ITGAM: variants seen among roughly 807,000 people sequenced by gnomAD.
ITGAM encodes the protein integrin alpha-M.
In ITGAM, 79 loss-of-function variants were observed where a neutral mutation model predicts 137.5. The observed-to-expected ratio is 0.57, with a 90% CI of 0.48 to 0.69. The LOEUF is 0.69. Ranked by LOEUF, ITGAM falls within the 30% of genes least tolerant of loss-of-function variation. The probability of loss-of-function intolerance (pLI) is 0.00; values close to 1 mark genes in which losing one functional copy is unlikely to be tolerated. For missense variants in ITGAM, 1,343 were observed against 1,483.5 expected, an observed-to-expected ratio of 0.91 and a Z score of 1.56; for synonymous variants, 583 against 592.3, an observed-to-expected ratio of 0.98 and a Z score of 0.23.
intron 9 of ITGAM, among the ~76,000 whole-genome samples, chr16:31,275,942 T>A (rs528618633): frequency 4.8e-4 from 73 of 152,234 alleles, no homozygotes; most frequent in South Asian, 1.0e-3. Context: ...TATGGGGGAG[T>A]CAAATCCCAC....
chr16:31,320,266 C>T (rs543395971), intron 14 of ITGAM, among the ~76,000 whole-genome samples: 43 of 152,310 alleles, frequency 2.8e-4, no homozygotes, highest in South Asian at 1.2e-3. Flanking sequence ...ACACGTTTTA[C>T]GTTATTGATT....
intron 12 of ITGAM, among the ~76,000 whole-genome samples, chr16:31,291,656 G>A (rs1031727778): frequency 1.3e-5 from 2 of 152,024 alleles, no homozygotes; most frequent in African/African-American, 2.4e-5. Flanking sequence ...TGGAACTGGA[G>A]GACATTATGT....
chr16:31,270,726 TATATATATATATATA>T (rs1230033072), intron 5 of ITGAM, among the ~76,000 whole-genome samples: 3 of 110,278 alleles, frequency 2.7e-5, no homozygotes, highest in African/African-American at 1.2e-4. Context: ...TATATATATA[TATATATATATATATA>T]TATGTTTTTA....
At chr16:31,263,809 T>G (rs1246187845) in intron 2 of ITGAM, among the ~76,000 whole-genome samples, 1 of 92,534 alleles carries the variant, frequency 1.1e-5, no homozygotes, top group Non-Finnish European at 2.2e-5. Context: ...AAAAATTTAT[T>G]TATTTATTTA....
intron 12 of ITGAM, among the ~76,000 whole-genome samples, chr16:31,287,379 A>G (rs1393750851): frequency 5.9e-5 from 9 of 152,102 alleles, no homozygotes; most frequent in Admixed American, 5.9e-4. Context: ...TATTAATTTT[A>G]GAATAGTTTT....
intron 14 of ITGAM, among the ~76,000 whole-genome samples, chr16:31,312,522 G>T (rs900870980): frequency 6.6e-6 from 1 of 152,106 alleles, no homozygotes; most frequent in Non-Finnish European, 1.5e-5. Flanking sequence ...GACCTCCCAG[G>T]CTCATGTGAT....
chr16:31,312,287 A>G (rs2080341957), intron 14 of ITGAM, among the ~76,000 whole-genome samples: 1 of 152,226 alleles, frequency 6.6e-6, no homozygotes, highest in Admixed American at 6.5e-5. Context: ...AAGTATTATA[A>G]TAATAAAAAA....
At position 31,275,604 on chromosome 16, in the gene ITGAM, C is replaced by T. The variant is rs1235168416; in HGVS notation, c.914C>T (p.Ser305Phe). ...KSRQELNTIA[S>F]KPPRDHVFQV... ...CGCCAAGAGCTTAATACCATCGCAT[C>T]CAAGCCGCCTCGTGATCACGTGTTC... The change falls in exon 9 of 30, where the codon TCC becomes TTC. Residue 305 changes from serine (S) to phenylalanine (F), a missense_variant. Ser to Phe is a radical substitution (Grantham distance 155). Transcript: ENST00000544665. The T allele has an allele frequency of 6.2e-7, 1 of 1,613,926 alleles. No individual in the cohort carries two copies. The highest frequency in any genetic ancestry group is 1.1e-5 in the South Asian group (1 of 91,072).
chr16:31,282,038 T>C (rs1263927472), intron 12 of ITGAM, among the ~76,000 whole-genome samples: 1 of 152,158 alleles, frequency 6.6e-6, no homozygotes, highest in Non-Finnish European at 1.5e-5. Flanking sequence ...TTTGAGTGAG[T>C]TTCTTAATCC....
intron 2 of ITGAM, among the ~76,000 whole-genome samples, chr16:31,264,596 A>G (rs2079742581): frequency 6.6e-6 from 1 of 152,028 alleles, no homozygotes; most frequent in East Asian, 1.9e-4. Flanking sequence ...GTGAGCTATG[A>G]TTATGCCACT....
chr16:31,310,137 T>C (rs1396228386), intron 14 of ITGAM, among the ~76,000 whole-genome samples: 2 of 151,700 alleles, frequency 1.3e-5, no homozygotes, highest in African/African-American at 4.8e-5. Context: ...ATTTTTTCCT[T>C]CATTTCAACT....
chr16:31,289,604 T>G (rs924133008), intron 12 of ITGAM, among the ~76,000 whole-genome samples: 11 of 151,842 alleles, frequency 7.2e-5, no homozygotes, highest in Non-Finnish European at 1.5e-4. Context: ...CAGGGCCTGT[T>G]GTGGGGTGGG....
intron 14 of ITGAM, 86 bp downstream of exon 14, chr16:31,298,040 A>C: frequency 9.3e-7 from 1 of 1,075,354 alleles, no homozygotes; most frequent in Non-Finnish European, 1.4e-6. Flanking sequence ...CTGCCAGATA[A>C]GTTCTCACAG....
intron 10 of ITGAM, 53 bp downstream of exon 10, chr16:31,276,797 G>A (rs1208075773): frequency 2.6e-6 from 4 of 1,559,796 alleles, no homozygotes; most frequent in Non-Finnish European, 3.5e-6. Context: ...AGCAAGAAGA[G>A]ATAGGAGAGA....
intron 14 of ITGAM, among the ~76,000 whole-genome samples, chr16:31,320,112 C>T (rs1247907151): frequency 6.6e-6 from 1 of 152,114 alleles, no homozygotes; most frequent in East Asian, 1.9e-4. Flanking sequence ...TGAGCCACCG[C>T]GTCTGACCCT....
intron 19 of ITGAM, 88 bp downstream of exon 19, chr16:31,325,119 G>C (rs765503659): frequency 6.8e-7 from 1 of 1,471,574 alleles, no homozygotes; most frequent in African/African-American, 1.4e-5. Context: ...AGGGAGCCGG[G>C]TGTTCCTGGG....
At chr16:31,312,654 C>G (rs1212237180) in intron 14 of ITGAM, among the ~76,000 whole-genome samples, 1 of 152,128 alleles carries the variant, frequency 6.6e-6, no homozygotes, top group Admixed American at 6.5e-5. Flanking sequence ...GTCTCCAACT[C>G]CTGGGCTCAA....
Position 31,321,327 on chromosome 16 carries a change from G to C in ITGAM, c.1794G>C (p.Leu598=), listed in dbSNP as rs2080447447. The change falls in exon 15 of 30, where the codon CTG becomes CTC. Residue 598 remains leucine (L), a synonymous_variant. Transcript: ENST00000544665. ...GCCAGGACCTCACAATGGATGGACT[G>C]GTAGACCTGACTGTAGGAGCCCAGG... The part of the protein sequence containing the change: ...SGGQDLTMDG[L]VDLTVGAQGH... 3 of 1,614,022 alleles carry C rather than the reference G, an allele frequency of 1.9e-6. No individual in the cohort carries two copies. The highest frequency in any genetic ancestry group is 2.5e-6 in the Non-Finnish European group (3 of 1,179,886).
chr16:31,331,515 T>TTC, intron 29 of ITGAM, 121 bp from the exon 30 acceptor site: 4 of 457,044 alleles, frequency 8.8e-6, no homozygotes, highest in South Asian at 6.6e-5. Context: ...GTCACTCCCC[T>TTC]CCCGCCCCGC....
Sources: allele counts gnomAD v4.1 joint callset (sites outside exome capture counted in the v4.1 genomes callset), GRCh38; gene constraint gnomAD v4.1.1; transcripts MANE v1.5; gene names NCBI Gene and HGNC (gene_info 2026-07-23, HGNC 2026-07-21).